Variants in THRB observed in about 807,000 individuals in gnomAD.
THRB encodes thyroid hormone receptor beta.
A neutral mutation model predicts 47.8 loss-of-function variants in THRB; 12 were observed. The observed-to-expected ratio is 0.25, with a 90% CI of 0.16 to 0.41. The LOEUF (loss-of-function observed/expected upper bound fraction) is 0.41. Among genes scored for constraint, THRB ranks in the 10% least tolerant of loss-of-function variants. The probability of loss-of-function intolerance (pLI) is 1.00; values close to 1 mark genes in which losing one functional copy is unlikely to be tolerated. For missense variants in THRB, 348 were observed against 589.2 expected (o/e 0.59, Z 4.24); for synonymous variants, 218 against 212.2 (o/e 1.03, Z -0.24).
At chr3:24,231,889 GTTTC>G (rs2048295870) in intron 3 of THRB, among the ~76,000 whole-genome samples, 1 of 152,192 alleles carries the variant, frequency 6.6e-6, no homozygotes, top group African/African-American at 2.4e-5. Context: ...AGCAAGCTGA[GTTTC>G]TTTATTTGCC....
Position 24,121,550 on chromosome 3 carries a change from G to A in THRB, c.*1334C>T, listed in dbSNP as rs192044256. ...GTCACTGTTTGTTTTCTGGGCACAA[G>A]CTATTCTAGCATGGGCCGTTGGGGA... On this transcript the variant is annotated 3_prime_UTR_variant, in exon 11 of 11. Coordinates refer to ENST00000646209, the MANE Select transcript of THRB (RefSeq NM_001354712.2). 663 of 152,726 alleles carry A rather than the reference G, an allele frequency of 4.3e-3. 2 individuals are homozygous for A. The highest frequency in any genetic ancestry group is 7.0e-3 in the Non-Finnish European group (476 of 68,044). 9.5% of individuals were successfully genotyped at this position (152,726 alleles called of 1,614,324 possible).
chr3:24,165,272 G>A (rs779276999), intron 5 of THRB: 6 of 764,992 alleles, frequency 7.8e-6, no homozygotes, highest in African/African-American at 6.8e-5. Context: ...TTCAAAATAC[G>A]CGTAATAATC....
intron 1 of THRB, among the ~76,000 whole-genome samples, chr3:24,360,094 A>C (rs2063960285): frequency 6.6e-6 from 1 of 152,142 alleles, no homozygotes; most frequent in South Asian, 2.1e-4. Flanking sequence ...AATCCCCTTC[A>C]TGCCTTCCTA....
intron 4 of THRB, among the ~76,000 whole-genome samples, chr3:24,191,681 T>G (rs951432231): frequency 1.3e-5 from 2 of 152,258 alleles, no homozygotes; most frequent in African/African-American, 4.8e-5. Flanking sequence ...GGATGGTTTC[T>G]CTAAAAGTGT....
At position 24,121,331 on chromosome 3, in the gene THRB, T is replaced by C; in HGVS notation, c.*1553A>G. On this transcript the variant is annotated 3_prime_UTR_variant, in exon 11 of 11. Transcript: ENST00000646209. ...ACTTACAAAAAGCATCTACTTGGTT[T>C]CCATAGTGACTTTCCTTCCTTTGTT... 1 of 152,658 alleles carries C rather than the reference T, an allele frequency of 6.6e-6. No homozygotes were observed. Among genetic ancestry groups the C allele is most frequent in the Non-Finnish European group, 1.5e-5 (1 of 68,050 alleles). The allele number at this position is 152,658 out of a possible 1,614,324, so 9.5% of individuals were successfully genotyped here.
intron 4 of THRB, among the ~76,000 whole-genome samples, chr3:24,227,496 G>A (rs2047782764): frequency 6.6e-6 from 1 of 152,178 alleles, no homozygotes; most frequent in Non-Finnish European, 1.5e-5. Context: ...AAGAAGATAT[G>A]TGATTCCGAT....
At chr3:24,444,959 T>C (rs2071920901) in intron 1 of THRB, among the ~76,000 whole-genome samples, 1 of 152,098 alleles carries the variant, frequency 6.6e-6, no homozygotes, top group Non-Finnish European at 1.5e-5. Context: ...CTAAAATAAA[T>C]TTAAAATACA....
chr3:24,342,835 G>C (rs1318636553), intron 1 of THRB, among the ~76,000 whole-genome samples: 2 of 152,172 alleles, frequency 1.3e-5, no homozygotes, highest in African/African-American at 4.8e-5. Context: ...AGAATGCCCA[G>C]GCTGCAGCAA....
rs193109371 is a variant in THRB, at chr3:24,134,829, G to A, written c.739-1367C>T. ...AAGAACAAGACCAGTTCTCTTTTCCGCACCCAGGGGCTTGGAGATGGGGGT... is the reference window on the plus strand; with the variant it reads ...AAGAACAAGACCAGTTCTCTTTTCCACACCCAGGGGCTTGGAGATGGGGGT... On this transcript the variant is annotated intron_variant, in intron 8 of 10. Transcript: ENST00000646209. Among the ~76,000 whole-genome samples, 7 of 152,216 alleles carry A rather than the reference G, an allele frequency of 4.6e-5. No homozygotes were observed. In the East Asian group the frequency reaches 7.7e-4, roughly 17 times the overall value.
intron 4 of THRB, among the ~76,000 whole-genome samples, chr3:24,208,979 C>A (rs2045712167): frequency 6.6e-6 from 1 of 152,050 alleles, no homozygotes; most frequent in Admixed American, 6.6e-5. Flanking sequence ...CTACAAAGAA[C>A]TCAAACTTAC....
intron 1 of THRB, among the ~76,000 whole-genome samples, chr3:24,346,537 T>C (rs886738672): frequency 1.3e-5 from 2 of 151,988 alleles, no homozygotes; most frequent in Non-Finnish European, 2.9e-5. Context: ...ATATTATTTT[T>C]TAAATCCCAG....
Position 24,317,207 on chromosome 3 carries a change from G to A in THRB, c.-188-19836C>T, listed in dbSNP as rs560991768. On this transcript the variant is annotated intron_variant, in intron 2 of 10. Coordinates refer to ENST00000646209, the MANE Select transcript of THRB (RefSeq NM_001354712.2). ...GGTTCAAATTCCACCTGTGACTTGAGCAGGTTATTTAATATCTTGGTGCCT... is the reference window on the plus strand; with the variant it reads ...GGTTCAAATTCCACCTGTGACTTGAACAGGTTATTTAATATCTTGGTGCCT... 2.0e-5 allele frequency among the ~76,000 whole-genome samples: 3 copies of A among 152,284 alleles called. No individual in the cohort carries two copies. In the East Asian group the frequency reaches 5.8e-4, roughly 29 times the overall value.
At chr3:24,140,634 A>C (rs2035314532) in intron 8 of THRB, among the ~76,000 whole-genome samples, 1 of 152,136 alleles carries the variant, frequency 6.6e-6, no homozygotes, top group South Asian at 2.1e-4. Flanking sequence ...TCCCTCCCCC[A>C]AGGTACCCAA....
chr3:24,269,997 TA>T (rs2053157582), intron 3 of THRB, among the ~76,000 whole-genome samples: 1 of 152,304 alleles, frequency 6.6e-6, no homozygotes, highest in South Asian at 2.1e-4. Context: ...CATCAAAAAT[TA>T]AACTATGCTA....
At chr3:24,229,324 T>C (rs1214715240) in intron 3 of THRB, among the ~76,000 whole-genome samples, 2 of 152,222 alleles carry the variant, frequency 1.3e-5, no homozygotes, top group African/African-American at 4.8e-5. Context: ...TAAGATGTAT[T>C]AGCATCTCTA....
rs138055904 is a variant in THRB at position 24,426,777 on chromosome 3, T to G, written c.-261+67875A>C. On this transcript the variant is annotated intron_variant, in intron 1 of 10. Transcript: ENST00000646209. ...TTAATGCAAAAGATAATTAAAAGAA[T>G]CTCTCAGCATTTTGGTCATTTTATC... 7.0e-3 allele frequency among the ~76,000 whole-genome samples: 1,067 copies of G among 152,054 alleles called. 11 individuals are homozygous for G. Among genetic ancestry groups the G allele is most frequent in the African/African-American group, 0.024 (1,014 of 41,532 alleles).
At chr3:24,319,904 T>C (rs1207358386) in intron 2 of THRB, among the ~76,000 whole-genome samples, 1 of 152,154 alleles carries the variant, frequency 6.6e-6, no homozygotes, top group East Asian at 1.9e-4. Flanking sequence ...GAACACAGCA[T>C]TATGGCAAAC....
At chr3:24,209,933 GA>G (rs944402581) in intron 4 of THRB, among the ~76,000 whole-genome samples, 5 of 152,222 alleles carry the variant, frequency 3.3e-5, no homozygotes, top group African/African-American at 1.2e-4. Context: ...ACCAAAATAA[GA>G]AAAAATATTG....
At position 24,478,827 on chromosome 3, in the gene THRB, G is replaced by A. The variant is rs533264892; in HGVS notation, c.-261+15825C>T. Among the ~76,000 whole-genome samples the A allele has an allele frequency of 2.0e-5, 3 of 152,286 alleles. No homozygotes were observed. The South Asian group carries it at 6.2e-4, about 32-fold the overall frequency. On this transcript the variant is annotated intron_variant, in intron 1 of 10. Coordinates refer to ENST00000646209, the MANE Select transcript of THRB (RefSeq NM_001354712.2). ...AACTGATGAAAAGCTTAGGGGGTGG[G>A]GAGAGATTAAGAGGTAGAACTAAAG...
Sources: gnomAD v4.1 joint callset for allele counts (sites outside exome capture counted in the v4.1 genomes callset) on GRCh38, gnomAD v4.1.1 for gene constraint, MANE v1.5 for transcripts, NCBI Gene and HGNC (gene_info 2026-07-23, HGNC 2026-07-21) for gene names.